OPCML: variants seen among roughly 807,000 people sequenced by gnomAD.
OPCML encodes the protein opioid binding protein/cell adhesion molecule like, also known as opioid-binding protein/cell adhesion molecule.
In OPCML, 13 loss-of-function variants were observed where a neutral mutation model predicts 37.8. The observed-to-expected ratio is 0.34, with a 90% confidence interval of 0.22 to 0.55. The LOEUF is 0.55. OPCML is among the 20% of genes least tolerant of loss of function. The pLI, the probability that OPCML is intolerant of heterozygous loss-of-function variation, is 0.91. For missense variants in OPCML, 341 were observed against 435.6 expected, an observed-to-expected ratio of 0.78 and a Z score of 1.93; for synonymous variants, 176 against 168.8, an observed-to-expected ratio of 1.04 and a Z score of -0.33.
chr11:133,329,751 G>A (rs1943572709), intron 1 of OPCML, among the ~76,000 whole-genome samples: 1 of 152,140 alleles, frequency 6.6e-6, no homozygotes, highest in African/African-American at 2.4e-5. Context: ...GAAAACCTAG[G>A]CAATACCATT....
At chr11:132,480,776 A>T (rs986570802) in intron 4 of OPCML, among the ~76,000 whole-genome samples, 3 of 152,204 alleles carry the variant, frequency 2.0e-5, no homozygotes, top group Admixed American at 1.3e-4. Flanking sequence ...ACTAAGCTTC[A>T]TAAGTGAAGG....
intron 1 of OPCML, among the ~76,000 whole-genome samples, chr11:133,494,187 C>G (rs1433953611): frequency 1.3e-5 from 2 of 152,016 alleles, no homozygotes; most frequent in Non-Finnish European, 2.9e-5. Flanking sequence ...TCTCACACCA[C>G]TTAGAATGGC....
At chr11:133,461,123 C>T (rs149496015) in intron 1 of OPCML, among the ~76,000 whole-genome samples, 2,615 of 151,940 alleles carry the variant, frequency 0.017, 36 homozygotes, top group Non-Finnish European at 0.024. Context: ...TAAAATTATA[C>T]GTAATGGTGA....
At chr11:132,874,432 TCTTCCTTCCTTCTTTCCTTCC>T (rs1190496499) in intron 2 of OPCML, among the ~76,000 whole-genome samples, 12 of 132,026 alleles carry the variant, frequency 9.1e-5, no homozygotes, top group African/African-American at 3.5e-4. Flanking sequence ...CTTCCTTCCT[TCTTCCTTCCTTCTTTCCTTCC>T]CTTCCTTCCT....
intron 1 of OPCML, among the ~76,000 whole-genome samples, chr11:133,122,953 G>A (rs558415190): frequency 6.6e-6 from 1 of 152,276 alleles, no homozygotes; most frequent in Admixed American, 6.5e-5. Context: ...GAAATCACTA[G>A]CAATGTGCTT....
At chr11:132,506,207 C>T (rs2096256508) in intron 4 of OPCML, among the ~76,000 whole-genome samples, 1 of 152,142 alleles carries the variant, frequency 6.6e-6, no homozygotes, top group Non-Finnish European at 1.5e-5. Flanking sequence ...ACAAAAAAAT[C>T]TTCATAGGTA....
intron 3 of OPCML, among the ~76,000 whole-genome samples, chr11:132,578,240 G>A (rs931773058): frequency 6.6e-6 from 1 of 152,106 alleles, no homozygotes; most frequent in African/African-American, 2.4e-5. Flanking sequence ...GGTGCAATTA[G>A]AGAATCCTAT....
At chr11:132,954,947 C>T (rs112384607) in intron 1 of OPCML, among the ~76,000 whole-genome samples, 90 of 152,262 alleles carry the variant, frequency 5.9e-4, no homozygotes, top group Middle Eastern at 3.4e-3. Context: ...GCATCCACTA[C>T]GAGAGACTTC....
chr11:133,026,350 G>A lies in OPCML; in HGVS notation c.62-83340C>T, dbSNP rs117035743. On this transcript the variant is annotated intron_variant, in intron 1 of 7. Coordinates refer to ENST00000524381, the MANE Select transcript of OPCML (RefSeq NM_001012393.5). ...GATAGTTTTCCTGAGACTTATCCACGCGTAATACCCTGAAGGGTGGTGGTC... is the reference window on the plus strand; with the variant it reads ...GATAGTTTTCCTGAGACTTATCCACACGTAATACCCTGAAGGGTGGTGGTC... 4.5e-3 allele frequency: 4,418 copies of A among 973,334 alleles called. 10 individuals carry two copies. Among genetic ancestry groups the A allele is most frequent in the Non-Finnish European group, 5.0e-3 (4,106 of 818,984 alleles). The allele number at this position is 973,334 out of a possible 1,614,324, so 60.3% of individuals were successfully genotyped here. A position where few individuals can be genotyped will look rare whatever the true frequency, so the allele number is the denominator to read the frequency against.
At chr11:133,424,143 T>C (rs1454181600) in intron 1 of OPCML, among the ~76,000 whole-genome samples, 1 of 152,208 alleles carries the variant, frequency 6.6e-6, no homozygotes, top group Non-Finnish European at 1.5e-5. Flanking sequence ...TGCTAATCCT[T>C]ATTAACAGAA....
chr11:133,370,423 C>G (rs188690263), intron 1 of OPCML, among the ~76,000 whole-genome samples: 29 of 145,076 alleles, frequency 2.0e-4, no homozygotes, highest in African/African-American at 7.4e-4. Context: ...TTCTATACAT[C>G]AATAATGAAT....
chr11:132,495,705 C>T (rs1565612481), intron 4 of OPCML, among the ~76,000 whole-genome samples: 1 of 152,046 alleles, frequency 6.6e-6, no homozygotes, highest in Non-Finnish European at 1.5e-5. Flanking sequence ...TCCTGGCTAA[C>T]ACAGTGAAAA....
intron 2 of OPCML, among the ~76,000 whole-genome samples, chr11:132,831,275 C>T (rs990374849): frequency 6.6e-6 from 1 of 151,684 alleles, no homozygotes; most frequent in African/African-American, 2.4e-5. Flanking sequence ...CTCCAAACAA[C>T]AAATTTGTGT....
intron 2 of OPCML, among the ~76,000 whole-genome samples, chr11:132,859,861 G>T (rs1311064018): frequency 6.6e-6 from 1 of 151,952 alleles, no homozygotes; most frequent in East Asian, 1.9e-4. Context: ...TTTCTCAACG[G>T]TACTATGGGC....
chr11:132,682,207 G>T (rs181453321), intron 2 of OPCML, among the ~76,000 whole-genome samples: 220 of 152,258 alleles, frequency 1.4e-3, no homozygotes, highest in African/African-American at 4.8e-3. Context: ...AGAGCTATGG[G>T]CTGGTAAGCA....
chr11:133,356,192 C>G (rs1424405002), intron 1 of OPCML, among the ~76,000 whole-genome samples: 1 of 152,154 alleles, frequency 6.6e-6, no homozygotes, highest in Admixed American at 6.5e-5. Context: ...CTCTCTCTCA[C>G]CACCACTAAA....
chr11:133,460,824 T>G (rs1248843680), intron 1 of OPCML, among the ~76,000 whole-genome samples: 1 of 151,922 alleles, frequency 6.6e-6, no homozygotes, highest in Non-Finnish European at 1.5e-5. Context: ...TTCCTAATTC[T>G]CTAGAAAATA....
chr11:133,314,221 A>C, intron 1 of OPCML, among the ~76,000 whole-genome samples: 5 of 115,484 alleles, frequency 4.3e-5, no homozygotes, highest in African/African-American at 1.8e-4. Flanking sequence ...GGCTACAGCG[A>C]GACTCCGTCT....
At chr11:133,181,686 G>A (rs1370263368) in intron 1 of OPCML, among the ~76,000 whole-genome samples, 1 of 152,110 alleles carries the variant, frequency 6.6e-6, no homozygotes, top group Non-Finnish European at 1.5e-5. Flanking sequence ...GAGGAAAAAA[G>A]TATGATTGGC....
Sources: gnomAD v4.1 joint callset for allele counts (sites outside exome capture counted in the v4.1 genomes callset) on GRCh38, gnomAD v4.1.1 for gene constraint, MANE v1.5 for transcripts, NCBI Gene and HGNC (gene_info 2026-07-23, HGNC 2026-07-21) for gene names.